PRMT8: variants seen among roughly 807,000 people sequenced by gnomAD.
PRMT8 encodes the protein protein arginine methyltransferase 8, also known as protein arginine N-methyltransferase 8.
PRMT8 carries 7 observed loss-of-function variants against 47.1 expected under a neutral mutation model. That is an observed-to-expected ratio of 0.15 (90% confidence interval 0.08 to 0.28). The LOEUF (loss-of-function observed/expected upper bound fraction) is 0.28, where lower values mean the gene tolerates loss of function less well. PRMT8 is among the 10% of genes least tolerant of loss of function. The probability of loss-of-function intolerance (pLI) is 1.00; values close to 1 mark genes in which losing one functional copy is unlikely to be tolerated. For missense variants in PRMT8, 237 were observed against 505.4 expected, an observed-to-expected ratio of 0.47 and a Z score of 5.09; for synonymous variants, 188 against 186.5, an observed-to-expected ratio of 1.01 and a Z score of -0.07.
In PRMT8 at chr12:3,459,713, AG is replaced by A. The variant is rs369580268; in HGVS notation, c.48+78276del. Among the ~76,000 whole-genome samples, 43 of 152,264 alleles carry A rather than the reference AG, an allele frequency of 2.8e-4. No individual in the cohort carries two copies. The East Asian group carries it at 7.7e-3, about 27-fold the overall frequency. ...GAAGCAGAGGAGCAGGGAGAAGGGCAGGGGGTTGGTTGGTGTCTGCAGCAGT... is the reference window on the plus strand; with the variant it reads ...GAAGCAGAGGAGCAGGGAGAAGGGCAGGGGTTGGTTGGTGTCTGCAGCAGT... On this transcript the variant is annotated intron_variant, in intron 1 of 9. Transcript: ENST00000452611.
intron 4 of PRMT8, 148 bp downstream of exon 4, chr12:3,553,862 G>A (rs1272209472): frequency 4.4e-5 from 32 of 731,246 alleles, no homozygotes; most frequent in South Asian, 2.5e-4. Flanking sequence ...GCAAGACTGC[G>A]GCCATGGGTA....
rs1864748756 is a variant in PRMT8, at chr12:3,436,834, GCTGTGGCCT to G, written c.48+55400_48+55408del. ...AAGGCTGCGATTTCTCTCTACTGAT[GCTGTGGCCT>G]CTGTGGCAGGGCAAGCACAGGCTCT... On this transcript the variant is annotated intron_variant, in intron 1 of 9. Coordinates refer to the PRMT8 transcript ENST00000452611. The surrounding 1 kb of genome is among the most constrained non-coding windows in gnomAD (Gnocchi z 4.2). Among the ~76,000 whole-genome samples the G allele has an allele frequency of 6.6e-6, 1 of 152,226 alleles. No individual in the cohort carries two copies. The highest frequency in any genetic ancestry group is 1.5e-5 in the Non-Finnish European group (1 of 68,046).
Position 3,538,241 on chromosome 12 carries a change from A to G in PRMT8, c.76-2365A>G, listed in dbSNP as rs1244559576. ...TCTCTTTCCTGTGAACCTCCAGAAC[A>G]ATTTGCTTGAACTTCTCTTGTAGAA... On this transcript the variant is annotated intron_variant, in intron 1 of 9. Coordinates refer to ENST00000382622, the MANE Select transcript of PRMT8 (RefSeq NM_019854.5). The surrounding 1 kb of genome is among the most constrained non-coding windows in gnomAD (Gnocchi z 4.6). The G allele has an allele frequency of 6.4e-6, 1 of 157,112 alleles. No individual in the cohort carries two copies. The highest frequency in any genetic ancestry group is 2.4e-5 in the African/African-American group (1 of 41,604). The allele number at this position is 157,112 out of a possible 1,614,324, so 9.7% of individuals were successfully genotyped here. A position where few individuals can be genotyped will look rare whatever the true frequency, so the allele number is the denominator to read the frequency against.
At chr12:3,592,094 C>T (rs2137240494) in intron 8 of PRMT8, 137 bp from the exon 9 acceptor site, 4 of 985,100 alleles carry the variant, frequency 4.1e-6, no homozygotes, top group East Asian at 5.7e-5. Flanking sequence ...CCTGACCCAA[C>T]AAGAGTACTG....
In PRMT8 at chr12:3,535,531, G is replaced by A. The variant is rs868699130; in HGVS notation, c.76-5075G>A. 2.0e-5 allele frequency among the ~76,000 whole-genome samples: 3 copies of A among 152,310 alleles called. No individual in the cohort carries two copies. The highest frequency in any genetic ancestry group is 2.9e-5 in the Non-Finnish European group (2 of 68,028). On this transcript the variant is annotated intron_variant, in intron 1 of 9. Coordinates refer to ENST00000382622, the MANE Select transcript of PRMT8 (RefSeq NM_019854.5). The surrounding 1 kb of genome is among the most constrained non-coding windows in gnomAD (Gnocchi z 4.7). ...CCCTGGGCCTGGGCCTTTGGACGGA[G>A]GTGGGGAAAGAGCAAGGCAGGGTGC...
intron 1 of PRMT8, among the ~76,000 whole-genome samples, chr12:3,419,977 G>GGGGGAGAGGGGGAGA (rs1450863424): frequency 7.2e-6 from 1 of 138,718 alleles, no homozygotes; most frequent in African/African-American, 2.7e-5. Flanking sequence ...AAGAGGGAGA[G>GGGGGAGAGGGGGAGA]GGGGAGAGGG....
intron 1 of PRMT8, among the ~76,000 whole-genome samples, chr12:3,515,813 G>A (rs1865783727): frequency 6.6e-6 from 1 of 152,218 alleles, no homozygotes; most frequent in South Asian, 2.1e-4. Flanking sequence ...ATGCATTGTC[G>A]TTAGTGCTGG....
At chr12:3,399,895 C>T (rs1364949167) in intron 1 of PRMT8, among the ~76,000 whole-genome samples, 3 of 152,106 alleles carry the variant, frequency 2.0e-5, no homozygotes, top group Non-Finnish European at 4.4e-5. Context: ...TGACTATACC[C>T]CAAGGCCAGA....
chr12:3,407,671 T>G (rs1409844080), intron 1 of PRMT8, among the ~76,000 whole-genome samples: 1 of 152,202 alleles, frequency 6.6e-6, no homozygotes, highest in African/African-American at 2.4e-5. Context: ...TCCCAAGACT[T>G]GGGAATTTTT....
chr12:3,435,774 C>A (rs1381898505), intron 1 of PRMT8, among the ~76,000 whole-genome samples: 5 of 152,138 alleles, frequency 3.3e-5, no homozygotes, highest in Non-Finnish European at 4.4e-5. Flanking sequence ...CCGGCCTCGG[C>A]CTCCCAGAGT....
At chr12:3,432,768 G>A (rs961089769) in intron 1 of PRMT8, among the ~76,000 whole-genome samples, 25 of 152,114 alleles carry the variant, frequency 1.6e-4, no homozygotes, top group Admixed American at 5.9e-4. Flanking sequence ...TGTGGTCTTC[G>A]TTTTGTTGGT....
At chr12:3,548,034 T>C (rs1440517456) in intron 2 of PRMT8, among the ~76,000 whole-genome samples, 1 of 152,224 alleles carries the variant, frequency 6.6e-6, no homozygotes, top group East Asian at 1.9e-4. Context: ...GTCAAGTCAG[T>C]GTTGACTTTG....
chr12:3,416,033 T>A (rs4765733), intron 1 of PRMT8, among the ~76,000 whole-genome samples: 1 of 152,194 alleles, frequency 6.6e-6, no homozygotes, highest in Non-Finnish European at 1.5e-5. Flanking sequence ...TGGTGGGAGG[T>A]CCTCCATTTG....
chr12:3,514,577 C>T lies in PRMT8; in HGVS notation c.75+22877C>T, dbSNP rs1019170651. ...GCCTTTTTTCTGAGTGTGCCAGCATCCCACATGTGCCCTTCCAGTTCACTC... is the reference window on the plus strand; with the variant it reads ...GCCTTTTTTCTGAGTGTGCCAGCATTCCACATGTGCCCTTCCAGTTCACTC... On this transcript the variant is annotated intron_variant, in intron 1 of 9. Coordinates refer to ENST00000382622, the MANE Select transcript of PRMT8 (RefSeq NM_019854.5). The surrounding 1 kb of genome is among the most constrained non-coding windows in gnomAD (Gnocchi z 5.9). Among the ~76,000 whole-genome samples, 1 of 152,150 alleles carries T rather than the reference C, an allele frequency of 6.6e-6. No individual in the cohort carries two copies. Among genetic ancestry groups the T allele is most frequent in the African/African-American group, 2.4e-5 (1 of 41,426 alleles).
chr12:3,486,837 G>A (rs534367218), upstream of PRMT8, among the ~76,000 whole-genome samples: 20 of 152,280 alleles, frequency 1.3e-4, no homozygotes, highest in East Asian at 2.5e-3. Context: ...GCACAAAACC[G>A]CAGTGAATTG....
At position 3,398,153 on chromosome 12, in the gene PRMT8, A is replaced by G. The variant is rs372202921; in HGVS notation, c.48+16711A>G. On this transcript the variant is annotated intron_variant, in intron 1 of 9. Coordinates refer to the PRMT8 transcript ENST00000452611. Reference sequence around the variant, plus strand: ...CCCGGTACCTCAGATGGAAATGCAGAAATCACCCGTTTTCTGCGTCGCTCA... The same window carrying G: ...CCCGGTACCTCAGATGGAAATGCAGGAATCACCCGTTTTCTGCGTCGCTCA... 4.6e-5 allele frequency among the ~76,000 whole-genome samples: 7 copies of G among 152,294 alleles called. No homozygotes were observed. In the East Asian group the frequency reaches 1.4e-3, roughly 29 times the overall value.
At chr12:3,553,001 C>T (rs1227336918) in intron 3 of PRMT8, 1 of 310,626 alleles carries the variant, frequency 3.2e-6, no homozygotes, top group Non-Finnish European at 6.5e-6. Flanking sequence ...CCCATGAGGG[C>T]CTGCTCTCAG....
In PRMT8 at chr12:3,491,555, C is replaced by G; in HGVS notation, c.-71C>G. On this transcript the variant is annotated 5_prime_UTR_variant, in exon 1 of 10. Coordinates refer to ENST00000382622, the MANE Select transcript of PRMT8 (RefSeq NM_019854.5). ...TTTTTTTCTCCCATCCTCTCGCTCT[C>G]TCTTTTAAAGCGACACCAGCTCTCT... The G allele has an allele frequency of 6.6e-7, 1 of 1,524,050 alleles. No homozygotes were observed. Among genetic ancestry groups the G allele is most frequent in the Non-Finnish European group, 8.8e-7 (1 of 1,137,496 alleles). 94.4% of individuals were successfully genotyped at this position (1,524,050 alleles called of 1,614,324 possible).
At chr12:3,522,239 A>G (rs1865889447) in intron 1 of PRMT8, among the ~76,000 whole-genome samples, 1 of 152,146 alleles carries the variant, frequency 6.6e-6, no homozygotes, top group Non-Finnish European at 1.5e-5. Flanking sequence ...ATTTAAAAAA[A>G]AATTGTATAC....
Sources: gnomAD v4.1 joint callset for allele counts (sites outside exome capture counted in the v4.1 genomes callset) on GRCh38, gnomAD v4.1.1 for gene constraint, Gnocchi (gnomAD v3.1) non-coding constraint, MANE v1.5 for transcripts, NCBI Gene and HGNC (gene_info 2026-07-23, HGNC 2026-07-21) for gene names.